The following BAG6 variants were observed in gnomAD, a reference collection of about 807,000 sequenced individuals.
BAG6 encodes the protein large proline-rich protein BAG6.
A neutral mutation model predicts 121.0 loss-of-function variants in BAG6; 22 were observed. The ratio of observed to expected loss-of-function variants is 0.18; its 90% CI spans 0.13 to 0.26. The LOEUF (loss-of-function observed/expected upper bound fraction) is 0.26. BAG6 is among the 10% of genes least tolerant of loss of function. The pLI, the probability that BAG6 is intolerant of heterozygous loss-of-function variation, is 1.00. For synonymous variants in BAG6, 583 were observed against 584.6 expected (o/e 1.00, Z 0.04); for missense variants, 1,233 against 1,537.7 (o/e 0.80, Z 3.31).
chr6:31,641,681 G>A lies in BAG6; in HGVS notation c.2506-89C>T. The stretch of plus-strand genomic sequence containing the variant: ...CCCAACAAGTCCAGGGCTTGTGTGG[G>A]GGCAATTGGAGCTTTACCTGGCAGA... On this transcript the variant is annotated intron_variant, in intron 17 of 25. Transcript: ENST00000676615. The surrounding 1 kb of genome is among the most constrained non-coding windows in gnomAD (Gnocchi z 5.7). 7.5e-6 allele frequency: 12 copies of A among 1,610,736 alleles called. No individual in the cohort carries two copies. The highest frequency in any genetic ancestry group is 1.0e-5 in the Non-Finnish European group (12 of 1,177,008).
At chr6:31,650,857 G>A (rs925323279) in intron 2 of BAG6, among the ~76,000 whole-genome samples, 1 of 152,104 alleles carries the variant, frequency 6.6e-6, no homozygotes, top group African/African-American at 2.4e-5. Context: ...CAGGAGTAAA[G>A]ACACAGATAG....
chr6:31,639,347 C>T (rs1324171217), intron 25 of BAG6, 121 bp from the exon 26 acceptor site: 2 of 1,443,162 alleles, frequency 1.4e-6, no homozygotes, highest in African/African-American at 1.4e-5. Flanking sequence ...GTCAAATAGC[C>T]CGGGGTGGCA....
At chr6:31,642,032 G>T (rs1783356546) in intron 16 of BAG6, 80 bp downstream of exon 16, 1 of 1,594,242 alleles carries the variant, frequency 6.3e-7, no homozygotes, top group East Asian at 2.2e-5. Flanking sequence ...TCCCACCTTG[G>T]CAACACCCCT....
chr6:31,651,265 G>A (rs1335260421), intron 2 of BAG6, among the ~76,000 whole-genome samples: 2 of 152,220 alleles, frequency 1.3e-5, no homozygotes, highest in Non-Finnish European at 2.9e-5. Context: ...GAGGCCAGGT[G>A]CGGTGGCTCA....
chr6:31,639,180 CTG>C lies in BAG6; in HGVS notation c.3438_3439del (p.Tyr1146Ter), dbSNP rs1561864934. 6.2e-7 allele frequency: 1 copy of C among 1,613,996 alleles called. No homozygotes were observed. The highest frequency in any genetic ancestry group is 1.1e-5 in the South Asian group (1 of 91,070). ...CTGGGCATTGGGGAAGCGCTGGGGA[CTG>C]TAGTTGGGGTCTTCCTGCAGTCGTT... On this transcript the variant is annotated stop_gained and frameshift_variant, in exon 26 of 26. Coordinates refer to ENST00000676615, the MANE Select transcript of BAG6 (RefSeq NM_001387994.1). LOFTEE classifies it high-confidence loss of function.
rs1797151371 is a variant in BAG6, at chr6:31,651,859, C to G, written c.-13-83G>C. On this transcript the variant is annotated intron_variant, in intron 1 of 25. Transcript: ENST00000676615. ...AGACTCCCTAGCATTAATCCCTGCC[C>G]CAATACCTAAAAAGTTTCTCCTGCA... The G allele has an allele frequency of 3.0e-6, 3 of 992,736 alleles. No homozygotes were observed. In the African/African-American group the frequency reaches 4.8e-5, roughly 16 times the overall value. 61.5% of individuals were successfully genotyped at this position (992,736 alleles called of 1,614,324 possible).
rs200838332 is a variant in BAG6, at chr6:31,643,989, G to T, written c.1669-12C>A. The T allele has an allele frequency of 1.6e-4, 252 of 1,613,912 alleles. No individual in the cohort carries two copies. Among genetic ancestry groups the T allele is most frequent in the Non-Finnish European group, 2.0e-4 (238 of 1,179,958 alleles). ...AGACCGGCGCCCTGCTGGATAGAGA[G>T]CAAGGGAGAATTTCAGACCTGCCCT... On this transcript the variant is annotated splice_polypyrimidine_tract_variant and intron_variant, in intron 13 of 25. Coordinates refer to ENST00000676615, the MANE Select transcript of BAG6 (RefSeq NM_001387994.1).
intron 7 of BAG6, among the ~76,000 whole-genome samples, chr6:31,646,978 T>A (rs537680366): frequency 6.6e-6 from 1 of 152,124 alleles, no homozygotes; most frequent in South Asian, 2.1e-4. Flanking sequence ...TTTCATCATG[T>A]TAGCCAGGAT....
chr6:31,642,873 G>T lies in BAG6; in HGVS notation c.1999C>A (p.Pro667Thr), dbSNP rs1784337243. 1 of 1,612,500 alleles carries T rather than the reference G, an allele frequency of 6.2e-7. No homozygotes were observed. The highest frequency in any genetic ancestry group is 8.5e-7 in the Non-Finnish European group (1 of 1,179,470). ...VASPTITVAM[P>T]GVPAFLQGMT... ...CCTTGGAGAAAGGCAGGGACACCAG[G>T]CATCGCCACAGTGATGGTGGGAGAA... is the stretch of plus-strand genomic sequence containing the variant. Residue 667 changes from proline (P) to threonine (T), a missense_variant, in exon 15 of 26, where the codon CCT becomes ACT. By Grantham distance (38) the Pro-to-Thr change is conservative (BLOSUM62 -1). Transcript: ENST00000676615.
In BAG6 at chr6:31,642,756, T is replaced by C. The variant is rs1267428188; in HGVS notation, c.2043+73A>G. On this transcript the variant is annotated intron_variant, in intron 15 of 25. Transcript: ENST00000676615. ...GGGCTCTTACCCAGTGGTTATATAA[T>C]GGCAAGAAGGTACCACTGCCTGGCT... is the stretch of plus-strand genomic sequence containing the variant. 3.2e-6 allele frequency: 5 copies of C among 1,550,466 alleles called. No individual in the cohort carries two copies. The East Asian group carries it at 1.2e-4, about 38-fold the overall frequency.
rs1339448999 is a variant in BAG6, at chr6:31,642,363, G to C, written c.2084C>G (p.Pro695Arg). The change falls in exon 16 of 26, where the codon CCC becomes CGC. Residue 695 changes from proline to arginine, a missense_variant. By Grantham distance (103) the Pro-to-Arg change is moderately radical. Coordinates refer to ENST00000676615, the MANE Select transcript of BAG6 (RefSeq NM_001387994.1). Reference sequence around the variant, plus strand: ...CTGCTGCTCTGGGGCAGGTGGTGGGGGTGGAGGAGGTGGGGGTGGTGGAGG... The same window carrying C: ...CTGCTGCTCTGGGGCAGGTGGTGGGCGTGGAGGAGGTGGGGGTGGTGGAGG... Reference protein sequence around the residue: ...TAPPPPPPPPPPPPAPEQQTM... With the variant: ...TAPPPPPPPPRPPPAPEQQTM... The C allele has an allele frequency of 6.5e-6, 8 of 1,236,520 alleles. No homozygotes were observed. The Admixed American group carries it at 1.2e-4, about 19-fold the overall frequency. The allele number at this position is 1,236,520 out of a possible 1,614,324, so 76.6% of individuals were successfully genotyped here.
Position 31,648,685 on chromosome 6 carries a change from G to A in BAG6, c.544C>T (p.Arg182Trp), listed in dbSNP as rs181298010. 3.3e-5 allele frequency: 54 copies of A among 1,613,888 alleles called. No individual in the cohort carries two copies. The highest frequency in any genetic ancestry group is 4.0e-5 in the African/African-American group (3 of 74,990). ...CAGCCTTGCCCACTTACCTCCATCC[G>A]GGATAGTAAGGTCTGTATATCCCTG... ...MIRDIQTLLSRMECRGGPQPQ... is the reference protein window; with the variant it reads ...MIRDIQTLLSWMECRGGPQPQ... The change falls in exon 6 of 26, where the codon CGG (arginine) becomes TGG (tryptophan). Residue 182 changes from arginine to tryptophan, a missense_variant. By Grantham distance (101) the Arg-to-Trp change is moderately radical (BLOSUM62 -3). This residue lies in a region of BAG6 where 777 missense variants were observed against 861.4 expected (regional missense o/e 0.90). Transcript: ENST00000676615.
Position 31,645,077 on chromosome 6 carries a change from T to A in BAG6, c.1238A>T (p.Asn413Ile), listed in dbSNP as rs368563229. The change falls in exon 10 of 26, where the codon AAT becomes ATT. Residue 413 changes from asparagine to isoleucine, a missense_variant. Physicochemically the swap from Asn to Ile is moderately radical, Grantham distance 149. This residue lies in a region of BAG6 where 777 missense variants were observed against 861.4 expected (regional missense o/e 0.90). Transcript: ENST00000676615. ...AGCCCCCTCAGCTGAGGACTCGACA[T>A]TGGTAGAAGACGGAGCCACGGATGA... ...QASSVAPSSTNVESSAEGAPP... is the reference protein window; with the variant it reads ...QASSVAPSSTIVESSAEGAPP... 1 of 1,612,818 alleles carries A rather than the reference T, an allele frequency of 6.2e-7. No homozygotes were observed. Among genetic ancestry groups the A allele is most frequent in the South Asian group, 1.1e-5 (1 of 91,078 alleles).
chr6:31,647,169 C>G (rs1026477618), intron 7 of BAG6, among the ~76,000 whole-genome samples: 3 of 152,110 alleles, frequency 2.0e-5, no homozygotes, highest in African/African-American at 7.2e-5. Flanking sequence ...TCCCAAAGTG[C>G]TGAGATTACA....
rs1484713331 is a variant in BAG6 at position 31,644,159 on chromosome 6, G to A, written c.1591C>T (p.Arg531Trp). The A allele has an allele frequency of 4.3e-6, 7 of 1,613,972 alleles. No homozygotes were observed. Among genetic ancestry groups the A allele is most frequent in the South Asian group, 1.1e-5 (1 of 91,080 alleles). Residue 531 changes from arginine (R) to tryptophan (W), a missense_variant, in exon 13 of 26, where the codon CGG becomes TGG. By Grantham distance (101) the Arg-to-Trp change is moderately radical (BLOSUM62 -3). This residue lies in a region of BAG6 where 777 missense variants were observed against 861.4 expected (regional missense o/e 0.90). Transcript: ENST00000676615. This position sits in a 1 kb window ranked among gnomAD's most constrained non-coding sequence, Gnocchi z 4.9. ...GGAGTGGGCCGGGCAATCACCACCC[G>A]GGTTGGAGCTGTTGGGAAGCCTGGC... ...QVPGFPTAPT[R>W]VVIARPTPPQ...
At chr6:31,645,325 C>T in intron 9 of BAG6, 82 bp downstream of exon 9, 3 of 1,609,104 alleles carry the variant, frequency 1.9e-6, no homozygotes, top group Middle Eastern at 1.7e-4. Flanking sequence ...CCTTTCCTAA[C>T]CTCCTTCAGG....
Position 31,647,838 on chromosome 6 carries a change from G to T in BAG6, c.553-12C>A, listed in dbSNP as rs775405207. 7.2e-6 allele frequency: 11 copies of T among 1,524,658 alleles called. No individual in the cohort carries two copies. The highest frequency in any genetic ancestry group is 9.6e-6 in the Non-Finnish European group (11 of 1,140,468). The allele number at this position is 1,524,658 out of a possible 1,614,324, so 94.4% of individuals were successfully genotyped here. A position where few individuals can be genotyped will look rare whatever the true frequency, so the allele number is the denominator to read the frequency against. On this transcript the variant is annotated splice_polypyrimidine_tract_variant and intron_variant, in intron 6 of 25. Coordinates refer to ENST00000676615, the MANE Select transcript of BAG6 (RefSeq NM_001387994.1). ...GGCCCTCCTCGACACTGAAGGTAGG[G>T]GAGAGTCAGGATACCAAAGGCAGGG... is the stretch of plus-strand genomic sequence containing the variant.
chr6:31,648,662 G>C lies in BAG6; in HGVS notation c.552+15C>G. On this transcript the variant is annotated intron_variant, in intron 6 of 25. Transcript: ENST00000676615. Reference sequence around the variant, plus strand: ...GGAGGGTGGAGAGAGACCCTAGCCAGCCTTGCCCACTTACCTCCATCCGGG... The same window carrying C: ...GGAGGGTGGAGAGAGACCCTAGCCACCCTTGCCCACTTACCTCCATCCGGG... 6.2e-7 allele frequency: 1 copy of C among 1,613,196 alleles called. No homozygotes were observed. Among genetic ancestry groups the C allele is most frequent in the East Asian group, 2.2e-5 (1 of 44,878 alleles).
In BAG6 at chr6:31,643,217, G is replaced by A. The variant is rs1312713782; in HGVS notation, c.1757-102C>T. 4.8e-6 allele frequency: 6 copies of A among 1,240,004 alleles called. No homozygotes were observed. In the South Asian group the frequency reaches 7.1e-5, roughly 15 times the overall value. 76.8% of individuals were successfully genotyped at this position (1,240,004 alleles called of 1,614,324 possible). ...AAGGCATGAGAACTGCTTGAGCCCAGGAGTCTAGGCCACATAGCAAGACCC... is the reference window on the plus strand; with the variant it reads ...AAGGCATGAGAACTGCTTGAGCCCAAGAGTCTAGGCCACATAGCAAGACCC... On this transcript the variant is annotated intron_variant, in intron 14 of 25. Coordinates refer to ENST00000676615, the MANE Select transcript of BAG6 (RefSeq NM_001387994.1).
Sources: gnomAD v4.1 joint callset for allele counts (sites outside exome capture counted in the v4.1 genomes callset) on GRCh38, gnomAD v4.1.1 for gene constraint, gnomAD v4.1.1 regional missense constraint, Gnocchi (gnomAD v3.1) non-coding constraint, MANE v1.5 for transcripts, NCBI Gene and HGNC (gene_info 2026-07-23, HGNC 2026-07-21) for gene names.